Variants in TNPO3 observed in about 807,000 individuals in gnomAD.
TNPO3 encodes the protein transportin 3.
TNPO3 carries 65 observed loss-of-function variants against 122.8 expected under a neutral mutation model. That is an observed-to-expected ratio of 0.53 (90% CI 0.43 to 0.65). TNPO3 has a LOEUF of 0.65. Among genes scored for constraint, TNPO3 ranks in the 30% least tolerant of loss-of-function variants. The pLI, the probability that TNPO3 is intolerant of heterozygous loss-of-function variation, is 0.00. For synonymous variants in TNPO3, 372 were observed against 411.2 expected (o/e 0.90, Z 1.15); for missense variants, 850 against 1,136.7 (o/e 0.75, Z 3.63).
chr7:128,988,660 T>C (rs917068457), intron 11 of TNPO3, among the ~76,000 whole-genome samples: 2 of 152,090 alleles, frequency 1.3e-5, no homozygotes, highest in Non-Finnish European at 2.9e-5. Context: ...ACTGAAGGTA[T>C]TAAAACAAAC....
Position 128,969,753 on chromosome 7 carries a change from G to A in TNPO3, c.2598+395C>T, listed in dbSNP as rs949040568. Among the ~76,000 whole-genome samples, 6 of 152,318 alleles carry A rather than the reference G, an allele frequency of 3.9e-5. No homozygotes were observed. The East Asian group carries it at 1.2e-3, about 29-fold the overall frequency. Reference sequence around the variant, plus strand: ...GTGCTTCCAAATGTTCTGGCTAGATGTATCACCAAGAAATAATACAGTGCT... The same window carrying A: ...GTGCTTCCAAATGTTCTGGCTAGATATATCACCAAGAAATAATACAGTGCT... On this transcript the variant is annotated intron_variant, in intron 20 of 22. Coordinates refer to ENST00000265388, the MANE Select transcript of TNPO3 (RefSeq NM_012470.4).
chr7:128,997,335 G>A, intron 8 of TNPO3, 54 bp downstream of exon 8: 1 of 1,590,836 alleles, frequency 6.3e-7, no homozygotes. Flanking sequence ...TTTTCAAGTT[G>A]GCACTGACAA....
intron 1 of TNPO3, among the ~76,000 whole-genome samples, chr7:129,022,866 T>TA (rs1159712947): frequency 3.3e-5 from 5 of 152,152 alleles, no homozygotes; most frequent in Non-Finnish European, 5.9e-5. Context: ...ACAATCTGTT[T>TA]AAAAAATCAA....
intron 4 of TNPO3, among the ~76,000 whole-genome samples, chr7:129,008,961 A>G (rs1430488022): frequency 6.6e-6 from 1 of 152,252 alleles, no homozygotes; most frequent in Non-Finnish European, 1.5e-5. Flanking sequence ...TCTCTTTGAA[A>G]AGATGAAATT....
intron 16 of TNPO3, among the ~76,000 whole-genome samples, chr7:128,976,599 G>A (rs919609928): frequency 3.3e-5 from 5 of 151,956 alleles, no homozygotes; most frequent in Admixed American, 1.3e-4. Flanking sequence ...TCAGCCTCCC[G>A]AGCAGCTGGG....
At chr7:128,959,903 C>T (rs943970730) in intron 21 of TNPO3, among the ~76,000 whole-genome samples, 6 of 152,136 alleles carry the variant, frequency 3.9e-5, no homozygotes, top group Non-Finnish European at 8.8e-5. Flanking sequence ...CACCTGTGAT[C>T]CCAGCTACTC....
At chr7:128,999,052 C>G (rs1320036402) in intron 7 of TNPO3, among the ~76,000 whole-genome samples, 5 of 152,048 alleles carry the variant, frequency 3.3e-5, no homozygotes, top group Non-Finnish European at 1.5e-5. Context: ...GGGGTTTCAT[C>G]ATGTTGGTCA....
chr7:129,026,490 C>T (rs909018878), intron 1 of TNPO3, among the ~76,000 whole-genome samples: 26 of 149,924 alleles, frequency 1.7e-4, no homozygotes, highest in Non-Finnish European at 3.1e-4. Context: ...GCAACCTCCA[C>T]GTCCCAGGTT....
Position 129,054,869 on chromosome 7 carries a change from C to A in TNPO3, c.-99G>T, listed in dbSNP as rs896822058. ...GCTTCCTCACTGTCTGGGCCACGGCCGCTCCCTGACTGGCGCCATCTCCTC... is the reference window on the plus strand; with the variant it reads ...GCTTCCTCACTGTCTGGGCCACGGCAGCTCCCTGACTGGCGCCATCTCCTC... On this transcript the variant is annotated 5_prime_UTR_variant, in exon 1 of 23. Transcript: ENST00000265388. 5 of 1,522,840 alleles carry A rather than the reference C, an allele frequency of 3.3e-6. No individual in the cohort carries two copies. Among genetic ancestry groups the A allele is most frequent in the Non-Finnish European group, 4.5e-6 (5 of 1,115,884 alleles). 94.3% of individuals were successfully genotyped at this position (1,522,840 alleles called of 1,614,324 possible). A position where few individuals can be genotyped will look rare whatever the true frequency, so the allele number is the denominator to read the frequency against.
At chr7:129,053,102 A>G (rs1412903130) in intron 1 of TNPO3, among the ~76,000 whole-genome samples, 2 of 152,136 alleles carry the variant, frequency 1.3e-5, no homozygotes, top group African/African-American at 4.8e-5. Flanking sequence ...AGGCGGGCGG[A>G]TCACCTGAGG....
intron 9 of TNPO3, among the ~76,000 whole-genome samples, chr7:128,993,165 T>G (rs1035108552): frequency 6.6e-6 from 1 of 151,412 alleles, no homozygotes; most frequent in Non-Finnish European, 1.5e-5. Flanking sequence ...AGTTTAGTAT[T>G]GCTGTGACAA....
intron 3 of TNPO3, among the ~76,000 whole-genome samples, chr7:129,016,524 T>A (rs1254704169): frequency 4.6e-5 from 7 of 152,270 alleles, no homozygotes; most frequent in Non-Finnish European, 8.8e-5. Flanking sequence ...ATCAAGGTTA[T>A]CTTGCCAGGA....
intron 19 of TNPO3, chr7:128,970,771 C>T (rs1798392679): frequency 6.5e-6 from 1 of 154,118 alleles, no homozygotes. Flanking sequence ...CCCAGCCACT[C>T]CAAAGGCGCA....
intron 1 of TNPO3, among the ~76,000 whole-genome samples, chr7:129,026,009 C>T (rs923596212): frequency 6.6e-6 from 1 of 151,590 alleles, no homozygotes; most frequent in Admixed American, 6.6e-5. Context: ...GCCTGTAGTC[C>T]CAGCTACCCA....
chr7:129,011,474 G>A (rs1305409846), intron 4 of TNPO3, among the ~76,000 whole-genome samples: 1 of 152,148 alleles, frequency 6.6e-6, no homozygotes, highest in Non-Finnish European at 1.5e-5. Flanking sequence ...CTCCCGAGTA[G>A]CTGGGACTAC....
chr7:128,992,376 G>A (rs575210728), intron 9 of TNPO3, among the ~76,000 whole-genome samples: 18 of 152,200 alleles, frequency 1.2e-4, no homozygotes, highest in African/African-American at 4.1e-4. Flanking sequence ...GTATATGAGT[G>A]TCTTTTCCTG....
intron 1 of TNPO3, among the ~76,000 whole-genome samples, chr7:129,034,233 A>C (rs917438187): frequency 3.3e-5 from 5 of 152,264 alleles, no homozygotes; most frequent in African/African-American, 1.2e-4. Flanking sequence ...ATAAAAACAG[A>C]AAGTAGGCCA....
intron 12 of TNPO3, among the ~76,000 whole-genome samples, 179 bp from the exon 13 acceptor site, chr7:128,984,438 C>A (rs1799942509): frequency 1.3e-5 from 2 of 151,926 alleles, no homozygotes; most frequent in African/African-American, 4.8e-5. Flanking sequence ...TTTCTTTATT[C>A]TTTATTGGGC....
At chr7:128,971,105 T>G (rs1423327125) in intron 19 of TNPO3, 1 of 135,434 alleles carries the variant, frequency 7.4e-6, no homozygotes, top group East Asian at 2.1e-4. Flanking sequence ...TCTAATTTTT[T>G]CTATCGAAAA....
Sources: gnomAD v4.1 joint callset for allele counts (sites outside exome capture counted in the v4.1 genomes callset) on GRCh38, gnomAD v4.1.1 for gene constraint, MANE v1.5 for transcripts, NCBI Gene and HGNC (gene_info 2026-07-23, HGNC 2026-07-21) for gene names.